Variants in CARS2 observed in about 807,000 individuals in gnomAD.
CARS2 encodes the protein cysteinyl-tRNA synthetase 2, mitochondrial.
Under a neutral mutation model 68.8 loss-of-function variants are expected in CARS2, and 52 were observed. The observed-to-expected ratio is 0.76, with a 90% CI of 0.61 to 0.95. CARS2 has a LOEUF of 0.95. Among genes scored for constraint, CARS2 ranks in the 40% least tolerant of loss-of-function variants. The probability of loss-of-function intolerance (pLI) is 0.00; values close to 1 mark genes in which losing one functional copy is unlikely to be tolerated. For missense variants in CARS2, 780 were observed against 754.2 expected (o/e 1.03, Z -0.40); for synonymous variants, 314 against 303.6 (o/e 1.03, Z -0.36).
intron 3 of CARS2, among the ~76,000 whole-genome samples, chr13:110,698,156 TGACA>T (rs1453472465): frequency 6.6e-6 from 1 of 152,082 alleles, no homozygotes; most frequent in Non-Finnish European, 1.5e-5. Flanking sequence ...GAAGCCACAA[TGACA>T]GACAAATGCT....
chr13:110,642,705 C>T (rs1347650875), intron 13 of CARS2, 184 bp from the exon 14 acceptor site: 3 of 764,146 alleles, frequency 3.9e-6, no homozygotes, highest in Non-Finnish European at 7.2e-6. Flanking sequence ...GGGCTCTGGG[C>T]AAGGCTCCAC....
intron 8 of CARS2, chr13:110,664,123 C>T: frequency 3.0e-6 from 3 of 985,204 alleles, no homozygotes; most frequent in Non-Finnish European, 2.4e-6. Flanking sequence ...TTCTCCCTGG[C>T]CTGTAGCTTT....
chr13:110,654,121 C>G (rs2062299668), intron 9 of CARS2, among the ~76,000 whole-genome samples: 1 of 152,218 alleles, frequency 6.6e-6, no homozygotes, highest in African/African-American at 2.4e-5. Context: ...TCACAGGGAG[C>G]CCGCTGGGTA....
chr13:110,690,811 C>T (rs2063437886), intron 3 of CARS2, among the ~76,000 whole-genome samples: 1 of 152,202 alleles, frequency 6.6e-6, no homozygotes, highest in Admixed American at 6.5e-5. Flanking sequence ...CTTCCTCTGC[C>T]CTCACCTGCA....
intron 9 of CARS2, among the ~76,000 whole-genome samples, chr13:110,661,913 TA>T (rs561820868): frequency 2.9e-4 from 44 of 152,286 alleles, no homozygotes; most frequent in Admixed American, 1.8e-3. Context: ...CGAAAACAAT[TA>T]CAACAGTAAC....
Position 110,665,486 on chromosome 13 carries a change from T to G in CARS2, c.919+1854A>C, listed in dbSNP as rs1594290331. 1 of 985,430 alleles carries G rather than the reference T, an allele frequency of 1.0e-6. No homozygotes were observed. Among genetic ancestry groups the G allele is most frequent in the Non-Finnish European group, 1.2e-6 (1 of 829,970 alleles). 61.0% of individuals were successfully genotyped at this position (985,430 alleles called of 1,614,324 possible). Reference sequence around the variant, plus strand: ...GCTTTCCCATTCCCACATCGGAAGGTGAACACGACCTCCGTTTCTAGACCC... The same window carrying G: ...GCTTTCCCATTCCCACATCGGAAGGGGAACACGACCTCCGTTTCTAGACCC... On this transcript the variant is annotated intron_variant, in intron 8 of 14. Transcript: ENST00000257347. The surrounding 1 kb of genome is among the most constrained non-coding windows in gnomAD (Gnocchi z 4.3).
chr13:110,642,743 A>G, intron 13 of CARS2: 1 of 751,528 alleles, frequency 1.3e-6, no homozygotes, highest in South Asian at 1.4e-5. Context: ...TCGTCCAAGC[A>G]AGGCTGAGTG....
intron 12 of CARS2, 49 bp from the exon 13 acceptor site, chr13:110,644,532 A>C: frequency 6.2e-7 from 1 of 1,607,206 alleles, no homozygotes; most frequent in Non-Finnish European, 8.5e-7. Context: ...TCTTGATGGC[A>C]GTGGGCAAAC....
At chr13:110,644,061 T>C (rs1400241998) in intron 13 of CARS2, 1 of 1,270,192 alleles carries the variant, frequency 7.9e-7, no homozygotes, top group Admixed American at 2.4e-5. Context: ...AAATGTTCTC[T>C]TACTGTGCCT....
At chr13:110,710,210 C>T (rs889297528), upstream of CARS2, among the ~76,000 whole-genome samples, 1 of 152,086 alleles carries the variant, frequency 6.6e-6, no homozygotes, top group South Asian at 2.1e-4. Context: ...GACAAAACTC[C>T]GTCTCTACTA....
At chr13:110,684,355 G>A (rs1481738855) in intron 5 of CARS2, among the ~76,000 whole-genome samples, 1 of 152,024 alleles carries the variant, frequency 6.6e-6, no homozygotes, top group Non-Finnish European at 1.5e-5. Context: ...GTGTTGGTAA[G>A]ATCAAGGAAA....
rs143945861 is a variant in CARS2 at position 110,645,997 on chromosome 13, G to C, written c.1287C>G (p.His429Gln). 6.2e-7 allele frequency: 1 copy of C among 1,613,942 alleles called. No individual in the cohort carries two copies. Among genetic ancestry groups the C allele is most frequent in the Non-Finnish European group, 8.5e-7 (1 of 1,179,962 alleles). Residue 429 changes from histidine to glutamine, a missense_variant, in exon 12 of 15, where the codon CAC becomes CAG. Coordinates refer to ENST00000257347, the MANE Select transcript of CARS2 (RefSeq NM_024537.4). ...GGGACGCCCTGAGCTGTCCATTCCC[G>C]TGGTGTGCAAGGCCCAGGATGGCAT... Reference protein sequence around the residue: ...VVDAILGLAHHGNGQLRASLK... With the variant: ...VVDAILGLAHQGNGQLRASLK...
In CARS2 at chr13:110,704,859, C is replaced by A. The variant is rs149702757; in HGVS notation, c.275+662G>T. Among the ~76,000 whole-genome samples the A allele has an allele frequency of 3.9e-5, 6 of 152,056 alleles. No individual in the cohort carries two copies. The South Asian group carries it at 1.2e-3, about 32-fold the overall frequency. On this transcript the variant is annotated intron_variant, in intron 2 of 14. Coordinates refer to ENST00000257347, the MANE Select transcript of CARS2 (RefSeq NM_024537.4). Reference sequence around the variant, plus strand: ...TTGTACATTATATTTTGGAAATGTACAAAATATTAGGAAAAGTGGTAATTT... The same window carrying A: ...TTGTACATTATATTTTGGAAATGTAAAAAATATTAGGAAAAGTGGTAATTT...
At chr13:110,660,012 T>C (rs2766497) in intron 9 of CARS2, among the ~76,000 whole-genome samples, 43,123 of 152,204 alleles carry the variant, frequency 0.28, 6,815 homozygotes, top group African/African-American at 0.39. Flanking sequence ...AACCCTGCCA[T>C]TGCTTTATCA....
chr13:110,701,369 C>T lies in CARS2; in HGVS notation c.393+69G>A. 3.7e-6 allele frequency: 3 copies of T among 811,402 alleles called. No individual in the cohort carries two copies. In the South Asian group the frequency reaches 4.3e-5, roughly 12 times the overall value. The allele number at this position is 811,402 out of a possible 1,614,324, so 50.3% of individuals were successfully genotyped here. On this transcript the variant is annotated intron_variant, in intron 3 of 14. Transcript: ENST00000257347. ...GTAAGCTACCACGCCCGGCCAAGAA[C>T]CACTTTCAGGAAGGGCTCAGAACAC...
At chr13:110,666,579 G>C (rs1266715220) in intron 8 of CARS2, 2 of 985,274 alleles carry the variant, frequency 2.0e-6, no homozygotes, top group Non-Finnish European at 2.4e-6. Flanking sequence ...AGAAACCCAA[G>C]TGAACTCTGC....
intron 10 of CARS2, 23 bp from the exon 11 acceptor site, chr13:110,647,262 T>G: frequency 6.2e-7 from 1 of 1,606,224 alleles, no homozygotes; most frequent in Non-Finnish European, 8.5e-7. Context: ...AGATGGTCAC[T>G]GAGGCGGTGC....
rs775589504 is a variant in CARS2 at position 110,712,956 on chromosome 13, T to TGGTGGTCCGGCCGC, written n.399+167_399+180dup. On this transcript the variant is annotated intron_variant and non_coding_transcript_variant, in intron 1 of 2. Transcript: ENST00000485188. ...CGGGAGCCGCCTAGGCTGCTGGGAGTGGTGGTCCGGCCGCGGAATGGGTAG... is the reference window on the plus strand; with the variant it reads ...CGGGAGCCGCCTAGGCTGCTGGGAGTGGTGGTCCGGCCGCGGTGGTCCGGCCGCGGAATGGGTAG... 2.6e-4 allele frequency: 400 copies of TGGTGGTCCGGCCGC among 1,558,712 alleles called. 2 individuals carry two copies. The African/African-American group carries it at 5.2e-3, about 20-fold the overall frequency.
At position 110,665,683 on chromosome 13, in the gene CARS2, G is replaced by A. The variant is rs779644039; in HGVS notation, c.919+1657C>T. On this transcript the variant is annotated intron_variant, in intron 8 of 14. Transcript: ENST00000257347. This position sits in a 1 kb window ranked among gnomAD's most constrained non-coding sequence, Gnocchi z 4.3. Reference sequence around the variant, plus strand: ...AGACAGAAACGTGCCTGCGGAGGGAGCAACTCCAGCTCCTCAGACAGTTCA... The same window carrying A: ...AGACAGAAACGTGCCTGCGGAGGGAACAACTCCAGCTCCTCAGACAGTTCA... The A allele has an allele frequency of 8.3e-5, 82 of 985,292 alleles. No homozygotes were observed. Among genetic ancestry groups the A allele is most frequent in the Non-Finnish European group, 9.8e-5 (81 of 829,962 alleles). 61.0% of individuals were successfully genotyped at this position (985,292 alleles called of 1,614,324 possible). A position where few individuals can be genotyped will look rare whatever the true frequency, so the allele number is the denominator to read the frequency against.
Sources: gnomAD v4.1 joint callset for allele counts (sites outside exome capture counted in the v4.1 genomes callset) on GRCh38, gnomAD v4.1.1 for gene constraint, Gnocchi (gnomAD v3.1) non-coding constraint, MANE v1.5 for transcripts, NCBI Gene and HGNC (gene_info 2026-07-23, HGNC 2026-07-21) for gene names.